Variants in RIPOR2 observed in about 807,000 individuals in gnomAD.
RIPOR2 encodes RHO family interacting cell polarization regulator 2, also known as rho family-interacting cell polarization regulator 2.
In RIPOR2, 39 loss-of-function variants were observed where a neutral mutation model predicts 114.5. That is an observed-to-expected ratio of 0.34 (90% CI 0.26 to 0.44). The LOEUF (loss-of-function observed/expected upper bound fraction) is 0.44. RIPOR2 is among the 20% of genes least tolerant of loss of function. The pLI is 1.00. For synonymous variants in RIPOR2, 445 were observed against 484.4 expected, an observed-to-expected ratio of 0.92 and a Z score of 1.07; for missense variants, 1,007 against 1,255.1, an observed-to-expected ratio of 0.80 and a Z score of 2.99.
At chr6:25,018,401 G>T (rs540020894) in intron 1 of RIPOR2, among the ~76,000 whole-genome samples, 98 of 152,226 alleles carry the variant, frequency 6.4e-4, no homozygotes, top group African/African-American at 2.2e-3. Flanking sequence ...GATATTCATT[G>T]AATACTATTA....
At chr6:24,914,588 A>T (rs990958) in intron 1 of RIPOR2, among the ~76,000 whole-genome samples, 1 of 152,040 alleles carries the variant, frequency 6.6e-6, no homozygotes, top group African/African-American at 2.4e-5. Context: ...CATAAAACAA[A>T]GTGTTTGAAC....
chr6:24,950,055 C>G (rs1321736331), intron 1 of RIPOR2, among the ~76,000 whole-genome samples: 1 of 152,148 alleles, frequency 6.6e-6, no homozygotes, highest in Non-Finnish European at 1.5e-5. Flanking sequence ...ATGCAACCAG[C>G]TGCCTGTTGC....
intron 1 of RIPOR2, among the ~76,000 whole-genome samples, chr6:24,954,622 A>T (rs1364497632): frequency 2.6e-5 from 4 of 151,430 alleles, no homozygotes; most frequent in African/African-American, 9.7e-5. Flanking sequence ...TGCCTGGCAA[A>T]TTTTTTGTAG....
chr6:25,042,036 C>CA (rs1554134880), upstream of RIPOR2: 4 of 488,964 alleles, frequency 8.2e-6, no homozygotes. Flanking sequence ...AAAACTTAAC[C>CA]CCCCCCTTTT....
chr6:25,005,802 C>G (rs1213321854), intron 1 of RIPOR2, among the ~76,000 whole-genome samples: 3 of 143,304 alleles, frequency 2.1e-5, no homozygotes, highest in African/African-American at 7.6e-5. Context: ...TTTAACTTGA[C>G]ATTTTCTTCA....
chr6:24,914,600 T>TCAG (rs1769927196), intron 1 of RIPOR2, among the ~76,000 whole-genome samples: 1 of 152,204 alleles, frequency 6.6e-6, no homozygotes. Flanking sequence ...TGTTTGAACT[T>TCAG]CAGCAGCACT....
chr6:25,032,160 G>A (rs144826429), intron 1 of RIPOR2, among the ~76,000 whole-genome samples: 186 of 151,116 alleles, frequency 1.2e-3, no homozygotes, highest in Middle Eastern at 3.4e-3. Context: ...CCTTTGATGC[G>A]GTATCAGCAA....
chr6:24,895,454 C>A (rs1243801983), intron 1 of RIPOR2, among the ~76,000 whole-genome samples: 1 of 102,354 alleles, frequency 9.8e-6, no homozygotes, highest in African/African-American at 7.1e-5. Flanking sequence ...AAAAAAAAAT[C>A]TTCTAGGGTT....
In RIPOR2 at chr6:24,915,224, G is replaced by T. The variant is rs143786123; in HGVS notation, c.61+20614C>A. 3.3e-3 allele frequency among the ~76,000 whole-genome samples: 509 copies of T among 152,268 alleles called. 6 individuals are homozygous for T. Among genetic ancestry groups the T allele is most frequent in the African/African-American group, 0.011 (461 of 41,554 alleles). Reference sequence around the variant, plus strand: ...CACCCAGATCCAGGGCCAAAATATGGCTTGGAATGCTGCCAGTTCTAAGAG... The same window carrying T: ...CACCCAGATCCAGGGCCAAAATATGTCTTGGAATGCTGCCAGTTCTAAGAG... On this transcript the variant is annotated intron_variant, in intron 1 of 21. Transcript: ENST00000643898.
At chr6:25,004,171 G>C (rs1775442529) in intron 1 of RIPOR2, among the ~76,000 whole-genome samples, 1 of 152,020 alleles carries the variant, frequency 6.6e-6, no homozygotes, top group Admixed American at 6.6e-5. Context: ...CACTAAATCT[G>C]GCTAAAATAC....
intron 1 of RIPOR2, among the ~76,000 whole-genome samples, chr6:24,984,048 A>G (rs1025354820): frequency 1.3e-5 from 2 of 152,204 alleles, no homozygotes; most frequent in African/African-American, 4.8e-5. Flanking sequence ...TGTGGACAAT[A>G]GTGGGTGACA....
intron 1 of RIPOR2, among the ~76,000 whole-genome samples, chr6:25,020,111 T>C (rs1776245384): frequency 6.6e-6 from 1 of 152,202 alleles, no homozygotes. Context: ...TTATTTCCAG[T>C]ATTATGTATC....
At chr6:24,875,638 A>C in intron 2 of RIPOR2, 53 bp downstream of exon 2, 5 of 1,568,286 alleles carry the variant, frequency 3.2e-6, no homozygotes, top group Non-Finnish European at 4.3e-6. Flanking sequence ...CACAACATCA[A>C]AGTTCACTTC....
At chr6:24,951,495 A>G (rs1205172264) in intron 1 of RIPOR2, among the ~76,000 whole-genome samples, 1 of 152,168 alleles carries the variant, frequency 6.6e-6, no homozygotes, top group Non-Finnish European at 1.5e-5. Context: ...ATCCCTTCAA[A>G]AGCAGCTTAA....
At position 24,852,630 on chromosome 6, in the gene RIPOR2, A is replaced by G; in HGVS notation, c.716-12T>C. 1 of 1,583,832 alleles carries G rather than the reference A, an allele frequency of 6.3e-7. No individual in the cohort carries two copies. The highest frequency in any genetic ancestry group is 8.5e-7 in the Non-Finnish European group (1 of 1,170,050). On this transcript the variant is annotated splice_polypyrimidine_tract_variant and intron_variant, in intron 8 of 21. Transcript: ENST00000643898. ...AAAGCCAGCCAGACCTGTAACCAAGAAATTGGAAGGTGAGGTGTAGAACAT... is the reference window on the plus strand; with the variant it reads ...AAAGCCAGCCAGACCTGTAACCAAGGAATTGGAAGGTGAGGTGTAGAACAT...
intron 1 of RIPOR2, chr6:24,948,371 T>C (rs1772557995): frequency 6.6e-6 from 1 of 152,226 alleles, no homozygotes; most frequent in Admixed American, 6.5e-5. Context: ...TCATTGGGCC[T>C]CAAAACAGAT....
intron 1 of RIPOR2, chr6:25,015,169 T>C (rs1337466267): frequency 6.6e-6 from 1 of 152,218 alleles, no homozygotes; most frequent in Non-Finnish European, 1.5e-5. Flanking sequence ...CTTTAGAGCT[T>C]CATCATTCAT....
At position 24,834,227 on chromosome 6, in the gene RIPOR2, C is replaced by T. The variant is rs1295837531; in HGVS notation, c.2208+1476G>A. The stretch of plus-strand genomic sequence containing the variant: ...AAGTGGCAGGAGTTATAATTGCCAA[C>T]CAGTCTCCCACAGCACACAGTTGTC... On this transcript the variant is annotated intron_variant, in intron 15 of 21. Coordinates refer to ENST00000643898, the MANE Select transcript of RIPOR2 (RefSeq NM_001286445.3). 2.6e-5 allele frequency among the ~76,000 whole-genome samples: 4 copies of T among 152,166 alleles called. No homozygotes were observed. The East Asian group carries it at 7.7e-4, about 29-fold the overall frequency.
intron 1 of RIPOR2, among the ~76,000 whole-genome samples, chr6:24,876,063 G>C (rs548698287): frequency 6.6e-6 from 1 of 152,250 alleles, no homozygotes; most frequent in East Asian, 1.9e-4. Flanking sequence ...GGCCGAGGCA[G>C]GTGGATCACC....
Sources: allele counts gnomAD v4.1 joint callset (sites outside exome capture counted in the v4.1 genomes callset), GRCh38; gene constraint gnomAD v4.1.1; transcripts MANE v1.5; gene names NCBI Gene and HGNC (gene_info 2026-07-23, HGNC 2026-07-21).